Variants in NIPAL2 observed in about 807,000 individuals in gnomAD.
The protein encoded by NIPAL2 is NIPA-like protein 2.
In NIPAL2, 43 loss-of-function variants were observed where a neutral mutation model predicts 48.9. The observed-to-expected ratio is 0.88, with a 90% CI of 0.69 to 1.13. NIPAL2 has a LOEUF of 1.13. Ranked by LOEUF, NIPAL2 falls within the 50% of genes most tolerant of loss-of-function variation. NIPAL2 has a pLI of 0.00. For missense variants in NIPAL2, 446 were observed against 461.4 expected, an observed-to-expected ratio of 0.97 and a Z score of 0.31; for synonymous variants, 167 against 174.6, an observed-to-expected ratio of 0.96 and a Z score of 0.34.
chr8:98,194,119 C>G (rs914590291), intron 10 of NIPAL2, among the ~76,000 whole-genome samples: 1 of 150,954 alleles, frequency 6.6e-6, no homozygotes, highest in Admixed American at 6.6e-5. Context: ...CTGGAGAGTG[C>G]TGAGGGCGGG....
intron 3 of NIPAL2, among the ~76,000 whole-genome samples, chr8:98,246,986 T>C (rs1813341875): frequency 6.6e-6 from 1 of 152,208 alleles, no homozygotes; most frequent in East Asian, 1.9e-4. Context: ...TCTAAATGTT[T>C]AGGCATAGCA....
intron 5 of NIPAL2, among the ~76,000 whole-genome samples, chr8:98,220,791 T>C (rs1028313280): frequency 1.3e-5 from 2 of 152,108 alleles, no homozygotes; most frequent in African/African-American, 4.8e-5. Context: ...GTTTTCTTCT[T>C]ATTACATACC....
At chr8:98,239,777 A>G (rs561691385) in intron 3 of NIPAL2, among the ~76,000 whole-genome samples, 1 of 152,350 alleles carries the variant, frequency 6.6e-6, no homozygotes, top group East Asian at 1.9e-4. Flanking sequence ...ATTAAGATAC[A>G]TTTACTTTCA....
chr8:98,222,661 A>G, intron 4 of NIPAL2, 61 bp from the exon 5 acceptor site: 3 of 1,558,062 alleles, frequency 1.9e-6, no homozygotes, highest in Non-Finnish European at 2.6e-6. Context: ...TTGTTGACGC[A>G]GACATTGCCT....
intron 6 of NIPAL2, among the ~76,000 whole-genome samples, chr8:98,212,034 A>T (rs1231019819): frequency 6.6e-6 from 1 of 152,202 alleles, no homozygotes; most frequent in African/African-American, 2.4e-5. Context: ...TTTAAAGAAA[A>T]TATAAATAGT....
At chr8:98,235,720 TA>T (rs1006454219) in intron 4 of NIPAL2, among the ~76,000 whole-genome samples, 1 of 151,324 alleles carries the variant, frequency 6.6e-6, no homozygotes. Flanking sequence ...GCTCAAATTT[TA>T]AAAAAAATAT....
At chr8:98,193,556 C>A in intron 10 of NIPAL2, 1 of 788,552 alleles carries the variant, frequency 1.3e-6, no homozygotes. Context: ...CAGTGGCTCA[C>A]ACCTATCATC....
chr8:98,287,390 A>T (rs918274697), intron 1 of NIPAL2, among the ~76,000 whole-genome samples: 11 of 152,356 alleles, frequency 7.2e-5, no homozygotes, highest in Admixed American at 5.2e-4. Flanking sequence ...CTCATTAGGA[A>T]GTGTTCTGAA....
chr8:98,207,029 G>A (rs1811075093), intron 6 of NIPAL2, among the ~76,000 whole-genome samples: 1 of 152,164 alleles, frequency 6.6e-6, no homozygotes, highest in Non-Finnish European at 1.5e-5. Flanking sequence ...TTGTAGGTTA[G>A]CTCTTGAGGG....
chr8:98,208,920 C>T (rs115620598), intron 6 of NIPAL2, among the ~76,000 whole-genome samples: 1,710 of 152,216 alleles, frequency 0.011, 35 homozygotes, highest in African/African-American at 0.037. Flanking sequence ...TACAACATGA[C>T]TTTCATAATT....
At chr8:98,209,962 A>C (rs1490912233) in intron 6 of NIPAL2, among the ~76,000 whole-genome samples, 1 of 152,050 alleles carries the variant, frequency 6.6e-6, no homozygotes, top group Non-Finnish European at 1.5e-5. Flanking sequence ...ATTTTCATTA[A>C]AAAATAAGCA....
chr8:98,272,346 A>G lies in NIPAL2; in HGVS notation c.136-18259T>C, dbSNP rs193227239. 3.9e-5 allele frequency among the ~76,000 whole-genome samples: 6 copies of G among 152,284 alleles called. No homozygotes were observed. In the East Asian group the frequency reaches 1.2e-3, roughly 29 times the overall value. ...CTTACTCATCTTTGCATCCCCAATAATGGAACTGGATAAGACTGTGCTGCG... is the reference window on the plus strand; with the variant it reads ...CTTACTCATCTTTGCATCCCCAATAGTGGAACTGGATAAGACTGTGCTGCG... On this transcript the variant is annotated intron_variant, in intron 1 of 10. Transcript: ENST00000430223.
intron 4 of NIPAL2, among the ~76,000 whole-genome samples, chr8:98,225,621 ATTCT>A (rs1812135867): frequency 6.6e-6 from 1 of 151,754 alleles, no homozygotes; most frequent in Non-Finnish European, 1.5e-5. Flanking sequence ...TGCTTTTAGG[ATTCT>A]TTCTTTATCC....
chr8:98,217,897 G>A (rs553349115), intron 5 of NIPAL2, among the ~76,000 whole-genome samples: 13 of 151,998 alleles, frequency 8.6e-5, no homozygotes, highest in South Asian at 4.2e-4. Flanking sequence ...TTCCTGCTAC[G>A]GGAATTCCTT....
intron 10 of NIPAL2, chr8:98,193,335 T>C: frequency 6.2e-7 from 1 of 1,602,810 alleles, no homozygotes; most frequent in Non-Finnish European, 8.5e-7. Context: ...ATGCTGGCCA[T>C]GGAAATCAGG....
intron 3 of NIPAL2, among the ~76,000 whole-genome samples, chr8:98,244,694 G>A (rs1472236837): frequency 6.6e-6 from 1 of 152,114 alleles, no homozygotes; most frequent in Non-Finnish European, 1.5e-5. Flanking sequence ...AGTGAAAGGT[G>A]GCACTCCTGA....
At chr8:98,288,636 A>C (rs1816327467) in intron 1 of NIPAL2, among the ~76,000 whole-genome samples, 2 of 150,450 alleles carry the variant, frequency 1.3e-5, no homozygotes, top group South Asian at 4.3e-4. Flanking sequence ...ACAATGGTTG[A>C]ACTAGTTTAC....
At chr8:98,216,930 G>T in intron 5 of NIPAL2, 2 of 548,492 alleles carry the variant, frequency 3.6e-6, no homozygotes, top group Non-Finnish European at 4.6e-6. Flanking sequence ...GGGCATGTAG[G>T]ATTAACAAAA....
chr8:98,231,091 T>C (rs1057054223), intron 4 of NIPAL2, among the ~76,000 whole-genome samples: 2 of 152,172 alleles, frequency 1.3e-5, no homozygotes, highest in Admixed American at 6.5e-5. Flanking sequence ...TTTTGTGGGA[T>C]AACAGGAGTC....
Sources: allele counts gnomAD v4.1 joint callset (sites outside exome capture counted in the v4.1 genomes callset), GRCh38; gene constraint gnomAD v4.1.1; transcripts MANE v1.5; gene names NCBI Gene and HGNC (gene_info 2026-07-23, HGNC 2026-07-21).